CD244: variants seen among roughly 807,000 people sequenced by gnomAD.
CD244 encodes the protein CD244 molecule.
In CD244, 20 loss-of-function variants were observed where a neutral mutation model predicts 45.5. The ratio of observed to expected loss-of-function variants is 0.44; its 90% CI spans 0.31 to 0.64. CD244 has a LOEUF of 0.64. Among genes scored for constraint, CD244 ranks in the 30% least tolerant of loss-of-function variants. CD244 has a pLI of 0.08. For synonymous variants in CD244, 185 were observed against 160.5 expected, an observed-to-expected ratio of 1.15 and a Z score of -1.15; for missense variants, 407 against 426.9, an observed-to-expected ratio of 0.95 and a Z score of 0.41.
In CD244 at chr1:160,838,965, C is replaced by A. The variant is rs749910003; in HGVS notation, c.740G>T (p.Arg247Met). Residue 247 changes from arginine (R) to methionine (M), a missense_variant, in exon 4 of 9, where the codon AGG becomes ATG. Arg to Met is a moderately conservative substitution (Grantham distance 91). Coordinates refer to ENST00000368034, the MANE Select transcript of CD244 (RefSeq NM_016382.4). ...TGACTGCTTCTCCTTCCTCTTTCTC[C>A]TCCACACACAGAAGCAGGCAAGGGT... is the stretch of plus-strand genomic sequence containing the variant. ...LGTLACFCVW[R>M]RKRKEKQSET... The A allele has an allele frequency of 2.5e-6, 4 of 1,613,908 alleles. No homozygotes were observed. The highest frequency in any genetic ancestry group is 2.5e-6 in the Non-Finnish European group (3 of 1,179,818).
rs141869439 is a variant in CD244, at chr1:160,853,620, T to C, written c.61+8997A>G. On this transcript the variant is annotated intron_variant, in intron 1 of 8. Transcript: ENST00000368034. ...TAAAAGCAAAATATGACTTGCCCAT[T>C]GTGGAAACATTACCATAGCAAGTGA... Among the ~76,000 whole-genome samples the C allele has an allele frequency of 2.0e-3, 300 of 152,090 alleles. 1 individual carries two copies. The highest frequency in any genetic ancestry group is 7.0e-3 in the African/African-American group (291 of 41,472).
At chr1:160,843,009 A>T (rs1364884449) in intron 1 of CD244, among the ~76,000 whole-genome samples, 1 of 152,222 alleles carries the variant, frequency 6.6e-6, no homozygotes, top group Non-Finnish European at 1.5e-5. Flanking sequence ...GGAGAGTTTT[A>T]CAAGTGGCTC....
At chr1:160,836,954 C>T (rs574948528) in intron 5 of CD244, among the ~76,000 whole-genome samples, 1 of 152,190 alleles carries the variant, frequency 6.6e-6, no homozygotes, top group Non-Finnish European at 1.5e-5. Context: ...TGTCAGCTGT[C>T]CTTAGAGGCT....
intron 6 of CD244, 37 bp downstream of exon 6, chr1:160,836,158 A>T: frequency 6.6e-7 from 1 of 1,510,152 alleles, no homozygotes; most frequent in African/African-American, 1.4e-5. Context: ...AACCCCAGAG[A>T]TAGGTATGGA....
intron 1 of CD244, among the ~76,000 whole-genome samples, chr1:160,845,812 C>T (rs564057997): frequency 2.4e-4 from 36 of 150,778 alleles, no homozygotes; most frequent in African/African-American, 7.1e-4. Context: ...GCCGAGATCA[C>T]GCCACTGCAC....
At chr1:160,837,508 A>T (rs1408046705) in intron 5 of CD244, among the ~76,000 whole-genome samples, 3 of 151,130 alleles carry the variant, frequency 2.0e-5, no homozygotes, top group Non-Finnish European at 3.0e-5. Context: ...AGATAAAAAT[A>T]AAAAAACAGG....
Position 160,839,062 on chromosome 1 carries a change from G to A in CD244, c.656-13C>T. 1 of 1,588,442 alleles carries A rather than the reference G, an allele frequency of 6.3e-7. No individual in the cohort carries two copies. Among genetic ancestry groups the A allele is most frequent in the Non-Finnish European group, 8.6e-7 (1 of 1,158,086 alleles). ...CAAAATCTGAATTCTGAGGAATACA[G>A]AAGGCGTGAGAACTGAGCTGTCAGC... On this transcript the variant is annotated splice_polypyrimidine_tract_variant and intron_variant, in intron 3 of 8. Coordinates refer to ENST00000368034, the MANE Select transcript of CD244 (RefSeq NM_016382.4).
rs1669104100 is a variant in CD244 at position 160,831,278 on chromosome 1, C to T, written c.*69G>A. 2 of 1,093,688 alleles carry T rather than the reference C, an allele frequency of 1.8e-6. No homozygotes were observed. The highest frequency in any genetic ancestry group is 1.7e-5 in the Admixed American group (1 of 58,032). The allele number at this position is 1,093,688 out of a possible 1,614,324, so 67.7% of individuals were successfully genotyped here. A position where few individuals can be genotyped will look rare whatever the true frequency, so the allele number is the denominator to read the frequency against. ...GAACTGTTCTATAGAGACTCCTGTG[C>T]CGTCATCCACTGTGCCAATTCCCAA... On this transcript the variant is annotated 3_prime_UTR_variant, in exon 9 of 9. Coordinates refer to ENST00000368034, the MANE Select transcript of CD244 (RefSeq NM_016382.4).
At chr1:160,836,333 A>G (rs1301401953) in intron 5 of CD244, 79 bp from the exon 6 acceptor site, 10 of 1,124,786 alleles carry the variant, frequency 8.9e-6, no homozygotes, top group Non-Finnish European at 1.3e-5. Context: ...GAAAAACAGC[A>G]CAAAGAAGAG....
chr1:160,831,274 T>C lies in CD244; in HGVS notation c.*73A>G. ...CTAGGAACTGTTCTATAGAGACTCC[T>C]GTGCCGTCATCCACTGTGCCAATTC... On this transcript the variant is annotated 3_prime_UTR_variant, in exon 9 of 9. Transcript: ENST00000368034. 1 of 1,053,740 alleles carries C rather than the reference T, an allele frequency of 9.5e-7. No individual in the cohort carries two copies. The highest frequency in any genetic ancestry group is 1.7e-5 in the Admixed American group (1 of 57,922). The allele number at this position is 1,053,740 out of a possible 1,614,324, so 65.3% of individuals were successfully genotyped here. A position where few individuals can be genotyped will look rare whatever the true frequency, so the allele number is the denominator to read the frequency against.
chr1:160,838,391 T>A, intron 5 of CD244, 60 bp downstream of exon 5: 1 of 1,188,912 alleles, frequency 8.4e-7, no homozygotes, highest in Non-Finnish European at 1.3e-6. Context: ...TGAATAACCA[T>A]CATTGAAAGA....
At chr1:160,846,452 A>T (rs1187626042) in intron 1 of CD244, among the ~76,000 whole-genome samples, 4 of 152,220 alleles carry the variant, frequency 2.6e-5, no homozygotes, top group Admixed American at 6.5e-5. Context: ...GAATCAGTTG[A>T]GGTCGGGAGT....
At chr1:160,856,403 A>C in intron 1 of CD244, among the ~76,000 whole-genome samples, 1 of 152,112 alleles carries the variant, frequency 6.6e-6, no homozygotes, top group East Asian at 1.9e-4. Flanking sequence ...TAACAAGTGC[A>C]TCTCCCTTTC....
At chr1:160,836,152 C>T in intron 6 of CD244, 43 bp downstream of exon 6, 1 of 1,483,616 alleles carries the variant, frequency 6.7e-7, no homozygotes, top group Non-Finnish European at 9.4e-7. Flanking sequence ...TTAGGAAACC[C>T]CAGAGATAGG....
At chr1:160,859,076 G>T (rs1055142196) in intron 1 of CD244, among the ~76,000 whole-genome samples, 1 of 152,168 alleles carries the variant, frequency 6.6e-6, no homozygotes, top group African/African-American at 2.4e-5. Flanking sequence ...TAAGTGGAGA[G>T]AGAGCTAAGA....
chr1:160,832,835 A>G, intron 7 of CD244: 2 of 486,936 alleles, frequency 4.1e-6, no homozygotes, highest in Non-Finnish European at 7.8e-6. Context: ...ATACCCACAT[A>G]CACCTAAAAC....
Position 160,845,683 on chromosome 1 carries a change from C to T in CD244, c.62-3782G>A, listed in dbSNP as rs574194193. 2.6e-4 allele frequency among the ~76,000 whole-genome samples: 39 copies of T among 152,094 alleles called. 1 individual carries two copies. The highest frequency in any genetic ancestry group is 8.4e-4 in the African/African-American group (35 of 41,492). ...CCAGCCTGGCCAATATGACAAAATC[C>T]CATCTCTGCTAAAAATGCAAAAATT... On this transcript the variant is annotated intron_variant, in intron 1 of 8. Coordinates refer to ENST00000368034, the MANE Select transcript of CD244 (RefSeq NM_016382.4).
chr1:160,849,267 T>C (rs1346832084), intron 1 of CD244, among the ~76,000 whole-genome samples: 2 of 149,966 alleles, frequency 1.3e-5, no homozygotes, highest in Non-Finnish European at 1.5e-5. Context: ...ACATTCACAT[T>C]TGTACCCATC....
intron 7 of CD244, 35 bp from the exon 8 acceptor site, chr1:160,832,610 G>T: frequency 6.2e-7 from 1 of 1,608,756 alleles, no homozygotes; most frequent in South Asian, 1.1e-5. Flanking sequence ...ACTTAACTTC[G>T]AGATAAGTGC....
Sources: allele counts gnomAD v4.1 joint callset (sites outside exome capture counted in the v4.1 genomes callset), GRCh38; gene constraint gnomAD v4.1.1; transcripts MANE v1.5; gene names NCBI Gene and HGNC (gene_info 2026-07-23, HGNC 2026-07-21).